Variants in FAM107B observed in about 807,000 individuals in gnomAD.
FAM107B encodes protein FAM107B.
FAM107B carries 21 observed loss-of-function variants against 31.5 expected under a neutral mutation model. The ratio of observed to expected loss-of-function variants is 0.67; its 90% CI spans 0.47 to 0.96. The LOEUF (loss-of-function observed/expected upper bound fraction) is 0.96. Ranked by LOEUF, FAM107B falls within the 40% of genes least tolerant of loss-of-function variation. FAM107B has a pLI of 0.00. For synonymous variants in FAM107B, 157 were observed against 141.5 expected (o/e 1.11, Z -0.78); for missense variants, 452 against 377.1 (o/e 1.20, Z -1.64).
intron 2 of FAM107B, among the ~76,000 whole-genome samples, chr10:14,534,426 A>G (rs1847388582): frequency 1.3e-5 from 2 of 152,140 alleles, no homozygotes; most frequent in South Asian, 4.1e-4. Context: ...CCTTCTTCAC[A>G]GCTCTCTTCC....
intron 1 of FAM107B, among the ~76,000 whole-genome samples, chr10:14,731,148 T>C (rs1270938296): frequency 6.6e-6 from 1 of 152,172 alleles, no homozygotes; most frequent in Non-Finnish European, 1.5e-5. Context: ...AACAATCCAT[T>C]GGTCCATTTA....
intron 2 of FAM107B, among the ~76,000 whole-genome samples, chr10:14,647,236 A>G (rs1853779069): frequency 6.6e-6 from 1 of 152,230 alleles, no homozygotes; most frequent in Non-Finnish European, 1.5e-5. Flanking sequence ...AAATATTTTA[A>G]AAGGTACAGA....
chr10:14,582,875 C>A (rs755702389), intron 2 of FAM107B, among the ~76,000 whole-genome samples: 67 of 152,176 alleles, frequency 4.4e-4, no homozygotes, highest in Non-Finnish European at 3.7e-4. Flanking sequence ...CACCTGAGGT[C>A]AGGAGTTCGA....
At chr10:14,690,958 A>T (rs1785872345) in intron 1 of FAM107B, among the ~76,000 whole-genome samples, 1 of 152,086 alleles carries the variant, frequency 6.6e-6, no homozygotes, top group Admixed American at 6.5e-5. Flanking sequence ...ATTGATAGCC[A>T]ACAAAGTGAA....
At chr10:14,602,264 T>A (rs940469129) in intron 2 of FAM107B, among the ~76,000 whole-genome samples, 1 of 152,162 alleles carries the variant, frequency 6.6e-6, no homozygotes, top group Admixed American at 6.5e-5. Context: ...TGCACCTGAG[T>A]GGACACAGCC....
chr10:14,583,239 C>A (rs777687293), intron 2 of FAM107B, among the ~76,000 whole-genome samples: 2 of 152,144 alleles, frequency 1.3e-5, no homozygotes, highest in Non-Finnish European at 2.9e-5. Context: ...GAAAATTCTT[C>A]ATCTGGCAGA....
chr10:14,725,686 T>C (rs79203655), intron 1 of FAM107B, among the ~76,000 whole-genome samples: 1,528 of 152,280 alleles, frequency 0.01, 17 homozygotes, highest in Non-Finnish European at 0.015. Context: ...GTGTCTCTAA[T>C]CCGATTATGG....
rs1013242657 is a variant in FAM107B, at chr10:14,519,744, T to C, written c.*1446A>G. On this transcript the variant is annotated 3_prime_UTR_variant, in exon 5 of 5. Coordinates refer to ENST00000181796, the MANE Select transcript of FAM107B (RefSeq NM_031453.4). ...TAATTAAGGATTCAAAAGCTCTAGA[T>C]CCAGCTTTCTATGAGTCTTCAAAGA... 15 of 152,312 alleles carry C rather than the reference T, an allele frequency of 9.8e-5. No individual in the cohort carries two copies. Among genetic ancestry groups the C allele is most frequent in the Middle Eastern group, 3.4e-3 (1 of 294 alleles). 9.4% of individuals were successfully genotyped at this position (152,312 alleles called of 1,614,324 possible).
intron 2 of FAM107B, chr10:14,572,242 A>G (rs1851283233): frequency 1.0e-6 from 1 of 985,484 alleles, no homozygotes; most frequent in Non-Finnish European, 1.2e-6. Context: ...CCAGACCAAG[A>G]GAACGTGCTG....
intron 2 of FAM107B, among the ~76,000 whole-genome samples, chr10:14,587,216 C>T (rs951261976): frequency 2.0e-5 from 3 of 152,260 alleles, no homozygotes; most frequent in Non-Finnish European, 2.9e-5. Context: ...AAAAGTTCAT[C>T]GTCCTTCTAA....
chr10:14,617,760 A>G (rs1421493658), intron 2 of FAM107B, among the ~76,000 whole-genome samples: 1 of 151,294 alleles, frequency 6.6e-6, no homozygotes, highest in Non-Finnish European at 1.5e-5. Flanking sequence ...ACGCCAAAAA[A>G]AAAAAAAAAA....
chr10:14,557,741 T>C (rs2131137655), intron 2 of FAM107B, among the ~76,000 whole-genome samples: 1 of 152,330 alleles, frequency 6.6e-6, no homozygotes, highest in South Asian at 2.1e-4. Flanking sequence ...GGAGGTATTA[T>C]TATCCTTATT....
Position 14,703,644 on chromosome 10 carries a change from T to A in FAM107B, c.412-35953A>T, listed in dbSNP as rs17548746. ...GCCACTGCGCCCAGCCCAGGTCTTC[T>A]TAAGTTTGAAAAACACACAAAATAA... On this transcript the variant is annotated intron_variant, in intron 1 of 4. Transcript: ENST00000181796. Among the ~76,000 whole-genome samples, 463 of 152,290 alleles carry A rather than the reference T, an allele frequency of 3.0e-3. 5 individuals are homozygous for A. Among genetic ancestry groups the A allele is most frequent in the East Asian group, 0.021 (111 of 5,182 alleles).
intron 2 of FAM107B, among the ~76,000 whole-genome samples, chr10:14,579,427 A>G (rs1419838484): frequency 6.6e-6 from 1 of 152,252 alleles, no homozygotes; most frequent in Non-Finnish European, 1.5e-5. Flanking sequence ...CCTCTATTGC[A>G]AAGTAACCAA....
chr10:14,721,179 C>A (rs977272199), intron 1 of FAM107B, among the ~76,000 whole-genome samples: 1 of 152,088 alleles, frequency 6.6e-6, no homozygotes, highest in African/African-American at 2.4e-5. Context: ...TGAACTCATC[C>A]TTTTTTATGG....
chr10:14,649,637 C>A (rs1853850069), intron 2 of FAM107B, among the ~76,000 whole-genome samples: 1 of 152,160 alleles, frequency 6.6e-6, no homozygotes, highest in Non-Finnish European at 1.5e-5. Flanking sequence ...CCTGGACACC[C>A]CCCACTTCGA....
At chr10:14,691,578 A>G (rs1415650472) in intron 1 of FAM107B, among the ~76,000 whole-genome samples, 1 of 152,140 alleles carries the variant, frequency 6.6e-6, no homozygotes, top group Non-Finnish European at 1.5e-5. Flanking sequence ...CTCCTTCAAC[A>G]GAAGGGAAAA....
chr10:14,714,007 AAG>A (rs1423000905), intron 1 of FAM107B, among the ~76,000 whole-genome samples: 2 of 152,148 alleles, frequency 1.3e-5, no homozygotes, highest in African/African-American at 4.8e-5. Context: ...AGAAGGGAAA[AAG>A]AGATACCAGG....
At chr10:14,768,435 G>C (rs1427980479) in intron 1 of FAM107B, among the ~76,000 whole-genome samples, 3 of 152,194 alleles carry the variant, frequency 2.0e-5, no homozygotes, top group Non-Finnish European at 4.4e-5. Context: ...GTGTGGTACT[G>C]TCACAGACAT....
Sources: gnomAD v4.1 joint callset for allele counts (sites outside exome capture counted in the v4.1 genomes callset) on GRCh38, gnomAD v4.1.1 for gene constraint, MANE v1.5 for transcripts, NCBI Gene and HGNC (gene_info 2026-07-23, HGNC 2026-07-21) for gene names.